The following MUC17 variants were observed in gnomAD, a reference collection of about 807,000 sequenced individuals.
MUC17 encodes mucin-17.
A neutral mutation model predicts 170.3 loss-of-function variants in MUC17; 190 were observed. The ratio of observed to expected loss-of-function variants is 1.12; its 90% CI spans 0.99 to 1.26. The LOEUF (loss-of-function observed/expected upper bound fraction) is 1.26. Ranked by LOEUF, MUC17 falls within the 50% of genes most tolerant of loss-of-function variation. MUC17 has a pLI of 0.00. For synonymous variants in MUC17, 2,325 were observed against 2,002.5 expected (o/e 1.16, Z -4.30); for missense variants, 6,415 against 5,530.0 (o/e 1.16, Z -5.08).
At chr7:101,020,417 G>C (rs116217043) in intron 1 of MUC17, among the ~76,000 whole-genome samples, 200 bp downstream of exon 1, 11 of 152,126 alleles carry the variant, frequency 7.2e-5, no homozygotes, top group Non-Finnish European at 1.3e-4. Flanking sequence ...GGGCATTGGA[G>C]CCTCTTCCAG....
chr7:101,051,946 A>AGT lies in MUC17; in HGVS notation c.13089_13090dup (p.Gly4364ValfsTer8). 1 of 1,613,458 alleles carries AGT rather than the reference A, an allele frequency of 6.2e-7. No homozygotes were observed. Among genetic ancestry groups the AGT allele is most frequent in the Non-Finnish European group, 8.5e-7 (1 of 1,179,572 alleles). ...CCTCGGCAAGTGCCAGATGTCTCTA[A>AGT]GTGGACCTCAGTGCCTGTGAGTGCT... On this transcript the variant is annotated frameshift_variant, in exon 9 of 13. Coordinates refer to ENST00000306151, the MANE Select transcript of MUC17 (RefSeq NM_001040105.2). LOFTEE classifies it high-confidence loss of function.
At position 101,058,064 on chromosome 7, in the gene MUC17, T is replaced by C. The variant is rs1407550055; in HGVS notation, c.*20T>C. Reference sequence around the variant, plus strand: ...TTTTAAGGCATGGAGCTGAGAAGTCTGGGAGTGAGGAGATCCCAGTCCGGC... The same window carrying C: ...TTTTAAGGCATGGAGCTGAGAAGTCCGGGAGTGAGGAGATCCCAGTCCGGC... On this transcript the variant is annotated 3_prime_UTR_variant, in exon 13 of 13. Coordinates refer to ENST00000306151, the MANE Select transcript of MUC17 (RefSeq NM_001040105.2). 2 of 1,612,438 alleles carry C rather than the reference T, an allele frequency of 1.2e-6. No individual in the cohort carries two copies. The highest frequency in any genetic ancestry group is 8.5e-7 in the Non-Finnish European group (1 of 1,178,658).
At chr7:101,044,993 TC>T (rs1794811443) in intron 3 of MUC17, among the ~76,000 whole-genome samples, 1 of 152,202 alleles carries the variant, frequency 6.6e-6, no homozygotes, top group Admixed American at 6.5e-5. Context: ...TGTATCCCCT[TC>T]CTTTCTCTGA....
In MUC17 at chr7:101,043,600, A is replaced by C; in HGVS notation, c.12184A>C (p.Ile4062Leu). ...SRPSTITSHT[I>L]PPTFPPAHSS... is the part of the protein sequence containing the mutation. ...GCCGTCAACAATTACTTCTCACACC[A>C]TCCCACCTACATTTCCTCCTGCTCA... Residue 4062 changes from isoleucine (I) to leucine (L), a missense_variant, in exon 3 of 13, where the codon ATC becomes CTC. Transcript: ENST00000306151. 1.9e-6 allele frequency: 3 copies of C among 1,613,988 alleles called. No individual in the cohort carries two copies. Among genetic ancestry groups the C allele is most frequent in the Non-Finnish European group, 2.5e-6 (3 of 1,179,980 alleles).
intron 1 of MUC17, among the ~76,000 whole-genome samples, chr7:101,023,173 G>A (rs1033439465): frequency 4.6e-5 from 7 of 151,956 alleles, no homozygotes; most frequent in African/African-American, 1.7e-4. Flanking sequence ...ACTTCATCTC[G>A]CTGTGGGTGT....
At chr7:101,055,491 T>C (rs1795029751) in intron 11 of MUC17, among the ~76,000 whole-genome samples, 1 of 152,230 alleles carries the variant, frequency 6.6e-6, no homozygotes, top group Admixed American at 6.5e-5. Flanking sequence ...AAGTTTAATT[T>C]GTATGCTCTG....
chr7:101,035,211 T>C lies in MUC17; in HGVS notation c.3795T>C (p.Gly1265=). The C allele has an allele frequency of 1.2e-6, 2 of 1,609,342 alleles. No individual in the cohort carries two copies. Among genetic ancestry groups the C allele is most frequent in the Non-Finnish European group, 1.7e-6 (2 of 1,177,262 alleles). Residue 1265 remains glycine (G), a synonymous_variant, in exon 3 of 13, where the codon GGT becomes GGC. Transcript: ENST00000306151. Reference sequence around the variant, plus strand: ...GTTCCTCTCCTACAACCGCTGAAGGTACCAGCTTGCCAACCTCAACTACTA... The same window carrying C: ...GTTCCTCTCCTACAACCGCTGAAGGCACCAGCTTGCCAACCTCAACTACTA... The part of the protein sequence containing the change: ...ETSSSPTTAE[G]TSLPTSTTSE...
chr7:101,037,081 A>T lies in MUC17; in HGVS notation c.5665A>T (p.Thr1889Ser). 1 of 1,582,476 alleles carries T rather than the reference A, an allele frequency of 6.3e-7. No individual in the cohort carries two copies. Among genetic ancestry groups the T allele is most frequent in the Non-Finnish European group, 8.5e-7 (1 of 1,177,818 alleles). The stretch of plus-strand genomic sequence containing the variant: ...CAGTTCTGAAACCAACACCCTTTCA[A>T]CAACTCCCGCTGTCACCAGCACACC... The part of the protein sequence containing the change: ...VASSETNTLS[T>S]TPAVTSTPVT... The change falls in exon 3 of 13, where the codon ACA becomes TCA. Residue 1889 changes from threonine to serine, a missense_variant. Physicochemically the swap from Thr to Ser is moderately conservative, Grantham distance 58. Coordinates refer to ENST00000306151, the MANE Select transcript of MUC17 (RefSeq NM_001040105.2).
chr7:101,038,841 C>G lies in MUC17; in HGVS notation c.7425C>G (p.Thr2475=). The change falls in exon 3 of 13, where the codon ACC becomes ACG. Residue 2475 remains threonine, a synonymous_variant. Transcript: ENST00000306151. ...CGGTGGTCAGTTCTGAGGCTGGCAC[C>G]CTTTCCACAACTCCTGTTGACACCA... is the stretch of plus-strand genomic sequence containing the variant. ...TTPVVSSEAG[T]LSTTPVDTST... 2 of 1,610,610 alleles carry G rather than the reference C, an allele frequency of 1.2e-6. No homozygotes were observed. The highest frequency in any genetic ancestry group is 1.1e-5 in the South Asian group (1 of 90,778).
rs766089487 is a variant in MUC17 at position 101,035,774 on chromosome 7, G to A, written c.4358G>A (p.Gly1453Glu). The change falls in exon 3 of 13, where the codon GGA (glycine) becomes GAA (glutamate). Residue 1453 changes from glycine (G) to glutamate (E), a missense_variant. Coordinates refer to ENST00000306151, the MANE Select transcript of MUC17 (RefSeq NM_001040105.2). ...ISIPTSTPSEGKTPLKSIPVS... is the reference protein window; with the variant it reads ...ISIPTSTPSEEKTPLKSIPVS... ...ATACCAACCTCAACTCCTAGTGAAG[G>A]AAAGACTCCATTAAAAAGTATACCT... 6 of 1,610,098 alleles carry A rather than the reference G, an allele frequency of 3.7e-6. No homozygotes were observed. The highest frequency in any genetic ancestry group is 5.1e-6 in the Non-Finnish European group (6 of 1,177,736).
In MUC17 at chr7:101,034,695, C is replaced by G; in HGVS notation, c.3279C>G (p.Thr1093=). The G allele has an allele frequency of 6.2e-7, 1 of 1,606,914 alleles. No homozygotes were observed. Among genetic ancestry groups the G allele is most frequent in the Non-Finnish European group, 8.5e-7 (1 of 1,175,802 alleles). The change falls in exon 3 of 13, where the codon ACC becomes ACG. Residue 1093 remains threonine (T), a synonymous_variant. Transcript: ENST00000306151. ...STTADGTSMP[T]STYSEGSTPL... Reference sequence around the variant, plus strand: ...CTGCTGACGGTACCAGCATGCCAACCTCAACTTATAGTGAAGGAAGCACTC... The same window carrying G: ...CTGCTGACGGTACCAGCATGCCAACGTCAACTTATAGTGAAGGAAGCACTC...
rs752018532 is a variant in MUC17 at position 101,032,722 on chromosome 7, A to G, written c.1306A>G (p.Thr436Ala). 1.3e-6 allele frequency: 2 copies of G among 1,577,582 alleles called. No homozygotes were observed. Among genetic ancestry groups the G allele is most frequent in the Non-Finnish European group, 1.7e-6 (2 of 1,155,052 alleles). The change falls in exon 3 of 13, where the codon ACT becomes GCT. Residue 436 changes from threonine (T) to alanine (A), a missense_variant. Thr to Ala is a moderately conservative substitution (Grantham distance 58). Transcript: ENST00000306151. ...TASEASSSPTTAEDTSIATST... is the reference protein window; with the variant it reads ...TASEASSSPTAAEDTSIATST... Reference sequence around the variant, plus strand: ...TAGTGAAGCCAGCTCATCTCCCACAACTGCTGAAGATACCAGCATTGCAAC... The same window carrying G: ...TAGTGAAGCCAGCTCATCTCCCACAGCTGCTGAAGATACCAGCATTGCAAC...
In MUC17 at chr7:101,040,396, G is replaced by C. The variant is rs148500038; in HGVS notation, c.8980G>C (p.Val2994Leu). The C allele has an allele frequency of 5.0e-6, 8 of 1,612,444 alleles. No homozygotes were observed. In the Admixed American group the frequency reaches 8.4e-5, roughly 17 times the overall value. The change falls in exon 3 of 13, where the codon GTC becomes CTC. Residue 2994 changes from valine to leucine, a missense_variant. By Grantham distance (32) the Val-to-Leu change is conservative. Transcript: ENST00000306151. ...AAGAACTCCATTAACAAGTATGTCT[G>C]TCAGCACCATGCCGGTGGCCAGTTC... ...ERRTPLTSMS[V>L]STMPVASSEA... is the part of the protein sequence containing the mutation.
rs777307390 is a variant in MUC17 at position 101,049,009 on chromosome 7, T to G, written c.12663+37T>G. Reference sequence around the variant, plus strand: ...AGAGCAAGGCCCCATAGCTACTCAGTTCCCCCCAGAGCAGAGTCTGTAGGG... The same window carrying G: ...AGAGCAAGGCCCCATAGCTACTCAGGTCCCCCCAGAGCAGAGTCTGTAGGG... On this transcript the variant is annotated intron_variant, in intron 5 of 12. Transcript: ENST00000306151. 3.7e-6 allele frequency: 6 copies of G among 1,613,110 alleles called. No homozygotes were observed. The East Asian group carries it at 1.3e-4, about 36-fold the overall frequency.
chr7:101,033,847 A>G lies in MUC17; in HGVS notation c.2431A>G (p.Ile811Val), dbSNP rs1235905826. Reference sequence around the variant, plus strand: ...TGAAGGAAGTCCTTTATTAACAAGTATACCTGTCAGCATCACACCGGTGAC... The same window carrying G: ...TGAAGGAAGTCCTTTATTAACAAGTGTACCTGTCAGCATCACACCGGTGAC... ...PSEGSPLLTSIPVSITPVTSP... is the reference protein window; with the variant it reads ...PSEGSPLLTSVPVSITPVTSP... Residue 811 changes from isoleucine to valine, a missense_variant, in exon 3 of 13, where the codon ATA becomes GTA. Physicochemically the swap from Ile to Val is conservative, Grantham distance 29. Transcript: ENST00000306151. 1.9e-5 allele frequency: 30 copies of G among 1,613,702 alleles called. No homozygotes were observed. The highest frequency in any genetic ancestry group is 2.5e-5 in the Non-Finnish European group (30 of 1,179,920).
chr7:101,043,236 T>C lies in MUC17; in HGVS notation c.11820T>C (p.Phe3940=). 6.2e-7 allele frequency: 1 copy of C among 1,614,168 alleles called. No individual in the cohort carries two copies. Residue 3940 remains phenylalanine, a synonymous_variant, in exon 3 of 13, where the codon TTT becomes TTC. Transcript: ENST00000306151. ...TEGSTPGTTI[F]IPSTPVTSST... ...GAAGCACACCTGGGACAACCATTTT[T>C]ATTCCCAGCACTCCTGTCACCAGTT...
chr7:101,053,287 T>C lies in MUC17; in HGVS notation c.13266-52T>C. 1.9e-6 allele frequency: 3 copies of C among 1,592,632 alleles called. No homozygotes were observed. In the South Asian group the frequency reaches 3.3e-5, roughly 18 times the overall value. On this transcript the variant is annotated intron_variant, in intron 10 of 12. Transcript: ENST00000306151. Reference sequence around the variant, plus strand: ...TGGGGATACAGCTTGTCCCTGGTCCTTATTCCTGTTCCCCAATCCTAATGG... The same window carrying C: ...TGGGGATACAGCTTGTCCCTGGTCCCTATTCCTGTTCCCCAATCCTAATGG...
rs979598830 is a variant in MUC17 at position 101,058,236 on chromosome 7, C to T, written c.*192C>T. On this transcript the variant is annotated 3_prime_UTR_variant, in exon 13 of 13. Coordinates refer to ENST00000306151, the MANE Select transcript of MUC17 (RefSeq NM_001040105.2). ...AGATTCTCAAATAGAAACCCGTGGA[C>T]GCTCCAATGGGCTTGTCATGATATC... The T allele has an allele frequency of 1.1e-5, 5 of 473,732 alleles. No individual in the cohort carries two copies. Among genetic ancestry groups the T allele is most frequent in the African/African-American group, 3.9e-5 (2 of 51,026 alleles). 29.3% of individuals were successfully genotyped at this position (473,732 alleles called of 1,614,324 possible).
Position 101,036,971 on chromosome 7 carries a change from C to A in MUC17, c.5555C>A (p.Ala1852Asp). The A allele has an allele frequency of 6.3e-7, 1 of 1,584,212 alleles. No homozygotes were observed. The highest frequency in any genetic ancestry group is 8.5e-7 in the Non-Finnish European group (1 of 1,179,048). ...GCAGTCAGTTCATCTCCTACACCTG[C>A]TGAAGGTACCAGCATAGCAACCTCA... ...STAVSSSPTP[A>D]EGTSIATSTP... The change falls in exon 3 of 13, where the codon GCT becomes GAT. Residue 1852 changes from alanine (A) to aspartate (D), a missense_variant. Transcript: ENST00000306151.
Sources: allele counts gnomAD v4.1 joint callset (sites outside exome capture counted in the v4.1 genomes callset), GRCh38; gene constraint gnomAD v4.1.1; transcripts MANE v1.5; gene names NCBI Gene and HGNC (gene_info 2026-07-23, HGNC 2026-07-21).